The following CD14 variants were observed in gnomAD, a reference collection of about 807,000 sequenced individuals.
The protein encoded by CD14 is CD14 molecule.
In CD14, 4 loss-of-function variants were observed where a neutral mutation model predicts 2.5. The observed-to-expected ratio is 1.63, with a 90% confidence interval of 0.80 to 3.72. The LOEUF (loss-of-function observed/expected upper bound fraction) is 3.72. Ranked by LOEUF, CD14 falls within the 30% of genes most tolerant of loss-of-function variation. The pLI is 0.01. For synonymous variants in CD14, 236 were observed against 235.1 expected (o/e 1.00, Z -0.04); for missense variants, 478 against 497.8 (o/e 0.96, Z 0.38).
rs200360939 is a variant in CD14 at position 140,632,765 on chromosome 5, G to C, written c.219C>G (p.Val73=). ...GLNLEPFLKR[V]DADADPRQYA... Reference sequence around the variant, plus strand: ...ACTGCCGCGGGTCGGCGTCCGCATCGACGCGCTTTAGAAACGGCTCTAGGT... The same window carrying C: ...ACTGCCGCGGGTCGGCGTCCGCATCCACGCGCTTTAGAAACGGCTCTAGGT... Residue 73 remains valine (V), a synonymous_variant, in exon 2 of 2, where the codon GTC becomes GTG. Transcript: ENST00000302014. The surrounding 1 kb of genome is among the most constrained non-coding windows in gnomAD (Gnocchi z 6.2). 3.7e-6 allele frequency: 6 copies of C among 1,613,246 alleles called. No homozygotes were observed. The highest frequency in any genetic ancestry group is 1.7e-5 in the Admixed American group (1 of 60,002).
rs1230377501 is a variant in CD14 at position 140,632,810 on chromosome 5, C to A, written c.174G>T (p.Glu58Asp). The A allele has an allele frequency of 6.2e-7, 1 of 1,613,918 alleles. No homozygotes were observed. The highest frequency in any genetic ancestry group is 2.2e-5 in the East Asian group (1 of 44,866). Reference sequence around the variant, plus strand: ...CTAGGTTGAGACCGCCGGCATGGATCTCCACCTCTACTGCAGACACACACT... The same window carrying A: ...CTAGGTTGAGACCGCCGGCATGGATATCCACCTCTACTGCAGACACACACT... ...AFQCVSAVEV[E>D]IHAGGLNLEP... The change falls in exon 2 of 2, where the codon GAG becomes GAT. Residue 58 changes from glutamate (E) to aspartate (D), a missense_variant. Glu to Asp is a conservative substitution (Grantham distance 45, BLOSUM62 2). Transcript: ENST00000302014. The surrounding 1 kb of genome is among the most constrained non-coding windows in gnomAD (Gnocchi z 6.2).
Position 140,632,655 on chromosome 5 carries a change from A to G in CD14, c.329T>C (p.Leu110Pro). The change falls in exon 2 of 2, where the codon CTG becomes CCG. Residue 110 changes from leucine (L) to proline (P), a missense_variant. By Grantham distance (98) the Leu-to-Pro change is moderately conservative. Transcript: ENST00000302014. This position sits in a 1 kb window ranked among gnomAD's most constrained non-coding sequence, Gnocchi z 6.2. ...QVPAQLLVGALRVLAYSRLKE... is the reference protein window; with the variant it reads ...QVPAQLLVGAPRVLAYSRLKE... Reference sequence around the variant, plus strand: ...GAGGCGGGAGTACGCTAGCACACGCAGGGCGCCTACCAGTAGCTGAGCAGG... The same window carrying G: ...GAGGCGGGAGTACGCTAGCACACGCGGGGCGCCTACCAGTAGCTGAGCAGG... 6.2e-7 allele frequency: 1 copy of G among 1,613,752 alleles called. No homozygotes were observed. The highest frequency in any genetic ancestry group is 1.1e-5 in the South Asian group (1 of 91,086).
exon 1 of CD14, chr5:140,633,174 GTGAACTCTTCGGC>G (rs1756671930): frequency 6.8e-7 from 1 of 1,463,700 alleles, no homozygotes; most frequent in Non-Finnish European, 9.4e-7. Context: ...CTTCACACTT[GTGAACTCTTCGGC>G]TGCCTCTGAC....
chr5:140,632,746 G>A lies in CD14; in HGVS notation c.238C>T (p.Arg80Trp). 6.2e-7 allele frequency: 1 copy of A among 1,613,444 alleles called. No homozygotes were observed. Among genetic ancestry groups the A allele is most frequent in the Non-Finnish European group, 8.5e-7 (1 of 1,179,970 alleles). ...GCCTTGACCGTGTCAGCATACTGCC[G>A]CGGGTCGGCGTCCGCATCGACGCGC... ...LKRVDADADP[R>W]QYADTVKALR... is the part of the protein sequence containing the mutation. Residue 80 changes from arginine to tryptophan, a missense_variant, in exon 2 of 2, where the codon CGG becomes TGG. Physicochemically the swap from Arg to Trp is moderately radical, Grantham distance 101 (BLOSUM62 -3). Transcript: ENST00000302014. The surrounding 1 kb of genome is among the most constrained non-coding windows in gnomAD (Gnocchi z 6.2).
Position 140,633,121 on chromosome 5 carries a change from C to G in CD14, c.-50G>C, listed in dbSNP as rs750935396. The G allele has an allele frequency of 2.5e-6, 4 of 1,611,988 alleles. No individual in the cohort carries two copies. In the African/African-American group the frequency reaches 5.3e-5, roughly 22 times the overall value. ...GAGCTCCGGACAGGCTCTGGAAGTG[C>G]TTTAGCTTCTTTCCTACACAGCGGC... On this transcript the variant is annotated 5_prime_UTR_variant, in exon 1 of 2. Transcript: ENST00000302014.
rs1237766719 is a variant in CD14 at position 140,632,295 on chromosome 5, C to A, written c.689G>T (p.Arg230Leu). The A allele has an allele frequency of 6.2e-7, 1 of 1,613,944 alleles. No homozygotes were observed. Among genetic ancestry groups the A allele is most frequent in the Admixed American group, 1.7e-5 (1 of 60,030 alleles). ...KFPAIQNLAL[R>L]NTGMETPTGV... ...TGTGGGCGTCTCCATTCCTGTGTTG[C>A]GCAGCGCTAGATTCTGGATGGCCGG... The change falls in exon 2 of 2, where the codon CGC (arginine) becomes CTC (leucine). Residue 230 changes from arginine (R) to leucine (L), a missense_variant. By Grantham distance (102) the Arg-to-Leu change is moderately radical. Coordinates refer to ENST00000302014, the MANE Select transcript of CD14 (RefSeq NM_000591.4). The surrounding 1 kb of genome is among the most constrained non-coding windows in gnomAD (Gnocchi z 6.2).
rs746728157 is a variant in CD14, at chr5:140,632,464, C to A, written c.520G>T (p.Val174Leu). The A allele has an allele frequency of 6.4e-5, 103 of 1,614,074 alleles. No homozygotes were observed. Among genetic ancestry groups the A allele is most frequent in the Non-Finnish European group, 8.6e-5 (101 of 1,180,060 alleles). ...GAGTGTGCTTGGGCAATGCTCAGTA[C>A]CTTGAGGCCTGGCTTGAGCCACTGC... The part of the protein sequence containing the change: ...LQQWLKPGLK[V>L]LSIAQAHSPA... Residue 174 changes from valine (V) to leucine (L), a missense_variant, in exon 2 of 2, where the codon GTA becomes TTA. By Grantham distance (32) the Val-to-Leu change is conservative. Transcript: ENST00000302014. This position sits in a 1 kb window ranked among gnomAD's most constrained non-coding sequence, Gnocchi z 6.2.
rs1235190715 is a variant in CD14, at chr5:140,632,230, G to A, written c.754C>T (p.His252Tyr). 6.2e-7 allele frequency: 1 copy of A among 1,613,404 alleles called. No individual in the cohort carries two copies. Among genetic ancestry groups the A allele is most frequent in the Admixed American group, 1.7e-5 (1 of 60,022 alleles). Residue 252 changes from histidine (H) to tyrosine (Y), a missense_variant, in exon 2 of 2, where the codon CAC (histidine) becomes TAC (tyrosine). Coordinates refer to ENST00000302014, the MANE Select transcript of CD14 (RefSeq NM_000591.4). The surrounding 1 kb of genome is among the most constrained non-coding windows in gnomAD (Gnocchi z 6.2). ...AALAAAGVQP[H>Y]SLDLSHNSLR... is the part of the protein sequence containing the mutation. ...GAGTTGTGGCTGAGGTCTAGGCTGTGGGGCTGCACACCTGCCGCCGCCAGT... is the reference window on the plus strand; with the variant it reads ...GAGTTGTGGCTGAGGTCTAGGCTGTAGGGCTGCACACCTGCCGCCGCCAGT...
chr5:140,633,411 G>A (rs1756685371), upstream of CD14: 2 of 481,256 alleles, frequency 4.2e-6, no homozygotes, highest in South Asian at 4.2e-5. Context: ...CGCCCCAGGC[G>A]GTGAATGCCC....
rs867055541 is a variant in CD14, at chr5:140,631,807, C to T, written c.*49G>A. 1 of 1,499,660 alleles carries T rather than the reference C, an allele frequency of 6.7e-7. No homozygotes were observed. Among genetic ancestry groups the T allele is most frequent in the Non-Finnish European group, 9.0e-7 (1 of 1,116,636 alleles). The allele number at this position is 1,499,660 out of a possible 1,614,324, so 92.9% of individuals were successfully genotyped here. On this transcript the variant is annotated 3_prime_UTR_variant, in exon 2 of 2. Coordinates refer to ENST00000302014, the MANE Select transcript of CD14 (RefSeq NM_000591.4). ...AAGTCCTCAACGTCCTGACGGGACT[C>T]CCCTGAAGCCAAGGCAGTTTGAGTC...
Position 140,632,003 on chromosome 5 carries a change from G to A in CD14, c.981C>T (p.Asp327=). 6.2e-7 allele frequency: 1 copy of A among 1,614,074 alleles called. No individual in the cohort carries two copies. Among genetic ancestry groups the A allele is most frequent in the Non-Finnish European group, 8.5e-7 (1 of 1,179,946 alleles). The part of the protein sequence containing the change: ...ELPEVDNLTL[D]GNPFLVPGTA... ...TTCCAGGGACCAGGAAGGGATTCCC[G>A]TCCAGTGTCAGGTTATCCACCTCGG... Residue 327 remains aspartate, a synonymous_variant, in exon 2 of 2, where the codon GAC becomes GAT. Coordinates refer to ENST00000302014, the MANE Select transcript of CD14 (RefSeq NM_000591.4). This position sits in a 1 kb window ranked among gnomAD's most constrained non-coding sequence, Gnocchi z 6.2.
In CD14 at chr5:140,632,323, A is replaced by G. The variant is rs201979630; in HGVS notation, c.661T>C (p.Phe221Leu). Residue 221 changes from phenylalanine (F) to leucine (L), a missense_variant, in exon 2 of 2, where the codon TTC becomes CTC. Transcript: ENST00000302014. The surrounding 1 kb of genome is among the most constrained non-coding windows in gnomAD (Gnocchi z 6.2). ...AGCGCTAGATTCTGGATGGCCGGGA[A>G]CTTGTGGGGACAGAGAGCCGCCATC... is the stretch of plus-strand genomic sequence containing the variant. ...GLMAALCPHK[F>L]PAIQNLALRN... The G allele has an allele frequency of 4.5e-5, 72 of 1,614,030 alleles. 1 individual carries two copies. The highest frequency in any genetic ancestry group is 3.4e-6 in the Non-Finnish European group (4 of 1,180,036).
chr5:140,632,279 C>T lies in CD14; in HGVS notation c.705G>A (p.Glu235=). Residue 235 remains glutamate (E), a synonymous_variant, in exon 2 of 2, where the codon GAG becomes GAA. Coordinates refer to ENST00000302014, the MANE Select transcript of CD14 (RefSeq NM_000591.4). The surrounding 1 kb of genome is among the most constrained non-coding windows in gnomAD (Gnocchi z 6.2). ...QNLALRNTGM[E]TPTGVCAALA... The stretch of plus-strand genomic sequence containing the variant: ...GTGCGGCGCACACGCCTGTGGGCGT[C>T]TCCATTCCTGTGTTGCGCAGCGCTA... 1 of 1,613,892 alleles carries T rather than the reference C, an allele frequency of 6.2e-7. No individual in the cohort carries two copies. Among genetic ancestry groups the T allele is most frequent in the Non-Finnish European group, 8.5e-7 (1 of 1,180,046 alleles).
chr5:140,632,109 G>C lies in CD14; in HGVS notation c.875C>G (p.Pro292Arg), dbSNP rs1467486626. The C allele has an allele frequency of 6.2e-6, 10 of 1,614,090 alleles. No homozygotes were observed. The South Asian group carries it at 9.9e-5, about 16-fold the overall frequency. Residue 292 changes from proline to arginine, a missense_variant, in exon 2 of 2, where the codon CCT becomes CGT. By Grantham distance (103) the Pro-to-Arg change is moderately radical (BLOSUM62 -2). Coordinates refer to ENST00000302014, the MANE Select transcript of CD14 (RefSeq NM_000591.4). The surrounding 1 kb of genome is among the most constrained non-coding windows in gnomAD (Gnocchi z 6.2). ...NLSFAGLEQV[P>R]KGLPAKLRVL... ...TCTGAGCTTGGCTGGCAGTCCTTTA[G>C]GCACCTGTTCCAGCCCAGCGAACGA...
At position 140,632,487 on chromosome 5, in the gene CD14, T is replaced by G. The variant is rs1756621440; in HGVS notation, c.497A>C (p.Gln166Pro). 6.2e-7 allele frequency: 1 copy of G among 1,614,068 alleles called. No individual in the cohort carries two copies. The change falls in exon 2 of 2, where the codon CAG becomes CCG. Residue 166 changes from glutamine to proline, a missense_variant. Transcript: ENST00000302014. The surrounding 1 kb of genome is among the most constrained non-coding windows in gnomAD (Gnocchi z 6.2). Reference protein sequence around the residue: ...TGRSWLAELQQWLKPGLKVLS... With the variant: ...TGRSWLAELQPWLKPGLKVLS... Reference sequence around the variant, plus strand: ...TACCTTGAGGCCTGGCTTGAGCCACTGCTGCAGCTCGGCGAGCCAAGAACG... The same window carrying G: ...TACCTTGAGGCCTGGCTTGAGCCACGGCTGCAGCTCGGCGAGCCAAGAACG...
At chr5:140,633,017 AC>A (rs751811052) in intron 1 of CD14, 37 bp from the exon 2 acceptor site, 2 of 1,613,720 alleles carry the variant, frequency 1.2e-6, no homozygotes, top group African/African-American at 2.7e-5. Context: ...GCCCCATCCA[AC>A]CCCTGTGGCT....
upstream of CD14, chr5:140,633,233 C>T: frequency 2.4e-6 from 2 of 839,542 alleles, no homozygotes; most frequent in Non-Finnish European, 3.9e-6. Context: ...TCAGTTCCCT[C>T]CTCTGTGAAC....
At position 140,632,098 on chromosome 5, in the gene CD14, G is replaced by C. The variant is rs754968319; in HGVS notation, c.886C>G (p.Pro296Ala). 1.5e-5 allele frequency: 24 copies of C among 1,614,088 alleles called. No homozygotes were observed. Among genetic ancestry groups the C allele is most frequent in the Non-Finnish European group, 1.7e-5 (20 of 1,180,046 alleles). The change falls in exon 2 of 2, where the codon CCA (proline) becomes GCA (alanine). Residue 296 changes from proline (P) to alanine (A), a missense_variant. Physicochemically the swap from Pro to Ala is conservative, Grantham distance 27 (BLOSUM62 -1). Transcript: ENST00000302014. This position sits in a 1 kb window ranked among gnomAD's most constrained non-coding sequence, Gnocchi z 6.2. ...AGLEQVPKGL[P>A]AKLRVLDLSC... ...AGATCGAGCACTCTGAGCTTGGCTG[G>C]CAGTCCTTTAGGCACCTGTTCCAGC...
In CD14 at chr5:140,631,912, A is replaced by G; in HGVS notation, c.1072T>C (p.Ser358Pro). The G allele has an allele frequency of 5.0e-6, 8 of 1,599,190 alleles. No individual in the cohort carries two copies. The highest frequency in any genetic ancestry group is 6.8e-6 in the Non-Finnish European group (8 of 1,168,580). ...VVPACARSTL[S>P]VGVSGTLVLL... The stretch of plus-strand genomic sequence containing the variant: ...ACCAGGGTTCCCGACACCCCCACCG[A>G]CAGGGTCGAACGTGCACAGGCTGGG... The change falls in exon 2 of 2, where the codon TCG (serine) becomes CCG (proline). Residue 358 changes from serine (S) to proline (P), a missense_variant. Transcript: ENST00000302014.
Sources: allele counts gnomAD v4.1 joint callset, GRCh38; gene constraint gnomAD v4.1.1; non-coding constraint Gnocchi (gnomAD v3.1); transcripts MANE v1.5; gene names NCBI Gene and HGNC (gene_info 2026-07-23, HGNC 2026-07-21).